AOPEP: variants seen among roughly 807,000 people sequenced by gnomAD.
The protein encoded by AOPEP is aminopeptidase O (putative).
In AOPEP, 77 loss-of-function variants were observed where a neutral mutation model predicts 98.1. The ratio of observed to expected loss-of-function variants is 0.78; its 90% CI spans 0.65 to 0.95. AOPEP has a LOEUF of 0.95. AOPEP is among the 40% of genes least tolerant of loss of function. The probability of loss-of-function intolerance (pLI) is 0.00; values close to 1 mark genes in which losing one functional copy is unlikely to be tolerated. For missense variants in AOPEP, 1,024 were observed against 1,024.7 expected (o/e 1.00, Z 0.01); for synonymous variants, 346 against 365.3 (o/e 0.95, Z 0.60).
At chr9:94,958,839 C>T (rs2058635595) in intron 9 of AOPEP, among the ~76,000 whole-genome samples, 2 of 152,060 alleles carry the variant, frequency 1.3e-5, no homozygotes, top group Non-Finnish European at 2.9e-5. Context: ...TTTTTACTCT[C>T]TTGATGGTGT....
rs1479999119 is a variant in AOPEP at position 94,980,319 on chromosome 9, C to A, written c.1977+892C>A. 3.3e-5 allele frequency among the ~76,000 whole-genome samples: 5 copies of A among 152,358 alleles called. No homozygotes were observed. The highest frequency in any genetic ancestry group is 1.2e-4 in the African/African-American group (5 of 41,598). On this transcript the variant is annotated intron_variant, in intron 11 of 16. Transcript: ENST00000375315. This position sits in a 1 kb window ranked among gnomAD's most constrained non-coding sequence, Gnocchi z 4.3. ...TCTGGGGCAGCCCCCAGAGCGGCTG[C>A]AGGCTGGGCCTGACCCAGGGTCATG... is the stretch of plus-strand genomic sequence containing the variant.
chr9:95,146,329 AT>A, the AOPEP span, among the ~76,000 whole-genome samples: 1 of 151,702 alleles, frequency 6.6e-6, no homozygotes, highest in African/African-American at 2.4e-5. Flanking sequence ...TCTACCGAAA[AT>A]ACAAAAAATT....
chr9:94,732,648 A>C (rs1830819522), intron 1 of AOPEP, among the ~76,000 whole-genome samples: 3 of 152,202 alleles, frequency 2.0e-5, no homozygotes, highest in Admixed American at 2.0e-4. Flanking sequence ...AAGAGTGATG[A>C]CTAGGATTTC....
At chr9:94,774,092 A>G (rs1841512187) in intron 3 of AOPEP, among the ~76,000 whole-genome samples, 2 of 152,002 alleles carry the variant, frequency 1.3e-5, no homozygotes, top group African/African-American at 4.8e-5. Flanking sequence ...CTTTATTTAA[A>G]ATATGGCATC....
At chr9:94,983,266 G>T (rs887490002) in intron 11 of AOPEP, among the ~76,000 whole-genome samples, 5 of 151,974 alleles carry the variant, frequency 3.3e-5, no homozygotes, top group Non-Finnish European at 7.4e-5. Context: ...CTCATGATCC[G>T]CCTGCCTTGG....
At chr9:95,125,010 AGTGCTCTT>A in the AOPEP span, 1 of 1,240,040 alleles carries the variant, frequency 8.1e-7, no homozygotes, top group Non-Finnish European at 1.2e-6. Context: ...TTGAAAATAA[AGTGCTCTT>A]GTCCAAAATA....
intron 1 of AOPEP, among the ~76,000 whole-genome samples, chr9:94,733,914 G>A (rs1022598492): frequency 5.3e-5 from 8 of 152,200 alleles, no homozygotes; most frequent in Non-Finnish European, 1.0e-4. Context: ...TGATGAGGTG[G>A]ATTCAAAACC....
intron 5 of AOPEP, among the ~76,000 whole-genome samples, chr9:94,869,678 T>C (rs1223125356): frequency 1.3e-5 from 2 of 152,184 alleles, no homozygotes; most frequent in Admixed American, 6.5e-5. Flanking sequence ...TGTAGAAATA[T>C]AGAATCAAAG....
intron 5 of AOPEP, among the ~76,000 whole-genome samples, chr9:94,878,093 G>A (rs72748526): frequency 0.04 from 6,085 of 151,958 alleles, 319 homozygotes; most frequent in African/African-American, 0.12. Context: ...AGAACATAAG[G>A]TAGAGCTAAT....
At chr9:94,928,585 A>G in intron 7 of AOPEP, 54 bp downstream of exon 7, 1 of 1,283,748 alleles carries the variant, frequency 7.8e-7, no homozygotes, top group Non-Finnish European at 1.1e-6. Flanking sequence ...CTTTCCTTCA[A>G]GACACCTCCC....
At chr9:94,861,513 C>T (rs1275471429) in intron 5 of AOPEP, among the ~76,000 whole-genome samples, 1 of 152,108 alleles carries the variant, frequency 6.6e-6, no homozygotes, top group Non-Finnish European at 1.5e-5. Context: ...ATTAAGCAAC[C>T]AAGGTCAACA....
At chr9:94,742,693 A>C (rs561440138) in intron 1 of AOPEP, among the ~76,000 whole-genome samples, 3 of 152,252 alleles carry the variant, frequency 2.0e-5, no homozygotes, top group South Asian at 4.1e-4. Flanking sequence ...TCGGCCTCCC[A>C]AAATGCTGGG....
chr9:94,878,450 C>T (rs1028140304), intron 5 of AOPEP, among the ~76,000 whole-genome samples: 1 of 151,326 alleles, frequency 6.6e-6, no homozygotes, highest in Non-Finnish European at 1.5e-5. Flanking sequence ...TGTTATTTCC[C>T]GAAGACCCAA....
At chr9:95,013,230 A>T (rs1342857504) in intron 13 of AOPEP, among the ~76,000 whole-genome samples, 1 of 151,402 alleles carries the variant, frequency 6.6e-6, no homozygotes, top group Non-Finnish European at 1.5e-5. Flanking sequence ...TTTTAAAAGT[A>T]TTATCCTTTT....
intron 13 of AOPEP, among the ~76,000 whole-genome samples, chr9:95,011,249 C>G (rs141594938): frequency 1.4e-5 from 2 of 147,228 alleles, no homozygotes; most frequent in African/African-American, 2.5e-5. Context: ...CGAAGTCTCA[C>G]TCTGTCCCCC....
chr9:95,000,620 A>C (rs1363594077), intron 11 of AOPEP, among the ~76,000 whole-genome samples: 1 of 152,188 alleles, frequency 6.6e-6, no homozygotes, highest in Admixed American at 6.5e-5. Context: ...AGGCAGGAGA[A>C]TCGCTTGAGC....
the AOPEP span, among the ~76,000 whole-genome samples, chr9:95,102,215 C>T: frequency 6.6e-6 from 1 of 152,218 alleles, no homozygotes; most frequent in Admixed American, 6.5e-5. Flanking sequence ...GGCAAATGAG[C>T]ATGCTGTGGC....
At chr9:95,028,881 A>G (rs1287968959) in intron 13 of AOPEP, among the ~76,000 whole-genome samples, 1 of 152,182 alleles carries the variant, frequency 6.6e-6, no homozygotes, top group African/African-American at 2.4e-5. Context: ...AATTGTGTAT[A>G]TTATTTGTGT....
intron 3 of AOPEP, among the ~76,000 whole-genome samples, chr9:94,791,156 G>A (rs4744374): frequency 0.24 from 36,798 of 152,060 alleles, 5,119 homozygotes; most frequent in South Asian, 0.41. Flanking sequence ...ATACTATGCA[G>A]TCATAAAAAA....
Sources: allele counts gnomAD v4.1 joint callset (sites outside exome capture counted in the v4.1 genomes callset), GRCh38; gene constraint gnomAD v4.1.1; non-coding constraint Gnocchi (gnomAD v3.1); transcripts MANE v1.5; gene names NCBI Gene and HGNC (gene_info 2026-07-23, HGNC 2026-07-21).